Variants in ZCCHC4 observed in about 807,000 individuals in gnomAD.
The protein encoded by ZCCHC4 is zinc finger CCHC-type containing 4.
Under a neutral mutation model 67.7 loss-of-function variants are expected in ZCCHC4, and 54 were observed. That is an observed-to-expected ratio of 0.80 (90% confidence interval 0.64 to 1.00). The LOEUF is 1.00. ZCCHC4 is among the 50% of genes least tolerant of loss of function. ZCCHC4 has a pLI of 0.00. For missense variants in ZCCHC4, 609 were observed against 617.0 expected, an observed-to-expected ratio of 0.99 and a Z score of 0.14; for synonymous variants, 198 against 213.5, an observed-to-expected ratio of 0.93 and a Z score of 0.63.
At chr4:25,344,363 C>A (rs1719895252) in intron 5 of ZCCHC4, among the ~76,000 whole-genome samples, 1 of 145,808 alleles carries the variant, frequency 6.9e-6, no homozygotes, top group African/African-American at 2.6e-5. Context: ...ATCGCAAGGA[C>A]AAAAAACCAA....
intron 5 of ZCCHC4, among the ~76,000 whole-genome samples, chr4:25,342,771 T>G (rs1719817014): frequency 1.3e-5 from 2 of 152,174 alleles, no homozygotes; most frequent in Non-Finnish European, 2.9e-5. Context: ...AAGAGGGCAA[T>G]GTTGAGTGAT....
At chr4:25,365,417 T>A in intron 12 of ZCCHC4, 1 of 1,252,714 alleles carries the variant, frequency 8.0e-7, no homozygotes, top group Non-Finnish European at 1.0e-6. Flanking sequence ...TGGTTAATTT[T>A]ACCTCTCCTT....
chr4:25,314,129 A>G lies in ZCCHC4; in HGVS notation c.211A>G (p.Lys71Glu). 1 of 1,607,600 alleles carries G rather than the reference A, an allele frequency of 6.2e-7. No individual in the cohort carries two copies. The highest frequency in any genetic ancestry group is 1.1e-5 in the South Asian group (1 of 89,800). Residue 71 changes from lysine to glutamate, a missense_variant, in exon 2 of 13, where the codon AAA (lysine) becomes GAA (glutamate). Physicochemically the swap from Lys to Glu is moderately conservative, Grantham distance 56. Transcript: ENST00000302874. ...FYACSACRDRKDCNFFQWEDE... is the reference protein window; with the variant it reads ...FYACSACRDREDCNFFQWEDE... ...TGCCTGTTCAGCCTGTAGAGATAGA[A>G]AAGACTGTAATTTTTTTCAGTGGGA...
intron 3 of ZCCHC4, among the ~76,000 whole-genome samples, chr4:25,322,355 A>G (rs933202588): frequency 1.3e-5 from 2 of 152,062 alleles, no homozygotes; most frequent in African/African-American, 4.8e-5. Context: ...TCCCCACCCC[A>G]GCTTCTAGCA....
At chr4:25,342,511 C>T (rs897594496) in intron 5 of ZCCHC4, among the ~76,000 whole-genome samples, 7 of 152,150 alleles carry the variant, frequency 4.6e-5, no homozygotes, top group African/African-American at 1.4e-4. Context: ...ATTTGGCAAA[C>T]TATTATCCAA....
chr4:25,336,925 T>A (rs1719490304), intron 5 of ZCCHC4, among the ~76,000 whole-genome samples: 1 of 152,226 alleles, frequency 6.6e-6, no homozygotes, highest in Non-Finnish European at 1.5e-5. Flanking sequence ...GTTAAATAGC[T>A]TGATCAAAAT....
At chr4:25,366,552 G>A (rs111229496) in intron 12 of ZCCHC4, among the ~76,000 whole-genome samples, 1 of 152,224 alleles carries the variant, frequency 6.6e-6, no homozygotes, top group African/African-American at 2.4e-5. Flanking sequence ...TCCTGACCTC[G>A]TGATCTGCCT....
chr4:25,358,142 T>G (rs987751814), intron 8 of ZCCHC4, among the ~76,000 whole-genome samples: 12 of 152,236 alleles, frequency 7.9e-5, no homozygotes, highest in African/African-American at 2.7e-4. Flanking sequence ...GATAATCTGC[T>G]GAAACTAAAA....
chr4:25,368,823 T>G (rs547225985), intron 12 of ZCCHC4, among the ~76,000 whole-genome samples: 1 of 152,328 alleles, frequency 6.6e-6, no homozygotes, highest in Admixed American at 6.5e-5. Context: ...TTAAAGAATT[T>G]TTTTTTCTCA....
chr4:25,358,397 G>A (rs1157811939), intron 8 of ZCCHC4, among the ~76,000 whole-genome samples: 1 of 152,170 alleles, frequency 6.6e-6, no homozygotes, highest in African/African-American at 2.4e-5. Flanking sequence ...GACCAAATGA[G>A]CACACATCTT....
In ZCCHC4 at chr4:25,336,602, A is replaced by T. The variant is rs56721065; in HGVS notation, c.686+2614A>T. 6.8e-3 allele frequency among the ~76,000 whole-genome samples: 1,032 copies of T among 152,222 alleles called. 10 individuals carry two copies. The highest frequency in any genetic ancestry group is 0.023 in the African/African-American group (969 of 41,548). ...CCTGGGCTCAAGCGATTCTCCTTCC[A>T]CAGCCTCCCCAGCAGCTGGGATTAG... On this transcript the variant is annotated intron_variant, in intron 5 of 12. Coordinates refer to ENST00000302874, the MANE Select transcript of ZCCHC4 (RefSeq NM_024936.3).
In ZCCHC4 at chr4:25,360,007, C is replaced by T. The variant is rs150616291; in HGVS notation, c.1012-1852C>T. On this transcript the variant is annotated intron_variant, in intron 8 of 12. Transcript: ENST00000302874. Reference sequence around the variant, plus strand: ...ATGACTTGGCAGCTGTGCCGTCTATCACGGACTTGATGGACCACTTGATGG... The same window carrying T: ...ATGACTTGGCAGCTGTGCCGTCTATTACGGACTTGATGGACCACTTGATGG... Among the ~76,000 whole-genome samples the T allele has an allele frequency of 1.6e-4, 24 of 152,350 alleles. No homozygotes were observed. The Middle Eastern group carries it at 0.01, about 65-fold the overall frequency.
intron 8 of ZCCHC4, among the ~76,000 whole-genome samples, chr4:25,356,346 G>A (rs1720517144): frequency 6.6e-6 from 1 of 152,288 alleles, no homozygotes; most frequent in South Asian, 2.1e-4. Context: ...TTGTGTGGCT[G>A]AAGCTATGAA....
Position 25,361,875 on chromosome 4 carries a change from A to G in ZCCHC4, c.1028A>G (p.His343Arg). 1.2e-6 allele frequency: 2 copies of G among 1,611,476 alleles called. No individual in the cohort carries two copies. The highest frequency in any genetic ancestry group is 2.2e-5 in the East Asian group (1 of 44,840). Reference protein sequence around the residue: ...MLDYQVDYDNHALYKHGKTGR... With the variant: ...MLDYQVDYDNRALYKHGKTGR... ...ACTTTCTAGGTAGATTATGATAATC[A>G]TGCACTTTATAAACACGGAAAGACA... is the stretch of plus-strand genomic sequence containing the variant. Residue 343 changes from histidine (H) to arginine (R), a missense_variant, in exon 9 of 13, where the codon CAT (histidine) becomes CGT (arginine). Transcript: ENST00000302874.
rs1022099205 is a variant in ZCCHC4 at position 25,361,776 on chromosome 4, G to C, written c.1012-83G>C. 29 of 1,361,514 alleles carry C rather than the reference G, an allele frequency of 2.1e-5. 1 individual carries two copies. The highest frequency in any genetic ancestry group is 2.8e-5 in the South Asian group (2 of 70,194). 84.3% of individuals were successfully genotyped at this position (1,361,514 alleles called of 1,614,324 possible). ...TACTTTAACTCATATATTGGCATCA[G>C]TTTGTTCGTTTATTGGTTAAAGAAT... is the stretch of plus-strand genomic sequence containing the variant. On this transcript the variant is annotated intron_variant, in intron 8 of 12. Coordinates refer to ENST00000302874, the MANE Select transcript of ZCCHC4 (RefSeq NM_024936.3).
Position 25,369,152 on chromosome 4 carries a change from T to C in ZCCHC4, c.1530T>C (p.Tyr510=). The part of the protein sequence containing the change: ...RKKRRERAHQ[Y]LGS ...AAAGGAGGGAAAGAGCCCATCAATA[T>C]CTTGGCTCTTAAATGTCCAGTGACT... is the stretch of plus-strand genomic sequence containing the variant. Residue 510 remains tyrosine, a synonymous_variant, in exon 13 of 13, where the codon TAT becomes TAC. Transcript: ENST00000302874. 6.2e-7 allele frequency: 1 copy of C among 1,611,684 alleles called. No homozygotes were observed. Among genetic ancestry groups the C allele is most frequent in the Non-Finnish European group, 8.5e-7 (1 of 1,179,484 alleles).
chr4:25,365,957 T>C (rs1720923948), intron 12 of ZCCHC4: 4 of 983,068 alleles, frequency 4.1e-6, no homozygotes, highest in Admixed American at 6.2e-5. Context: ...CAGTTATTAA[T>C]TGGAGATTAC....
intron 5 of ZCCHC4, among the ~76,000 whole-genome samples, chr4:25,339,640 A>G (rs917522354): frequency 1.3e-5 from 2 of 152,180 alleles, no homozygotes; most frequent in Non-Finnish European, 2.9e-5. Flanking sequence ...TTCTTAATAT[A>G]TTCTGGATAC....
intron 10 of ZCCHC4, among the ~76,000 whole-genome samples, chr4:25,363,582 C>T (rs959414364): frequency 6.6e-6 from 1 of 152,132 alleles, no homozygotes; most frequent in African/African-American, 2.4e-5. Flanking sequence ...GAAGAGGCTA[C>T]ATTTATATAA....
Sources: allele counts gnomAD v4.1 joint callset (sites outside exome capture counted in the v4.1 genomes callset), GRCh38; gene constraint gnomAD v4.1.1; transcripts MANE v1.5; gene names NCBI Gene and HGNC (gene_info 2026-07-23, HGNC 2026-07-21).